Variants in CUX2 observed in about 807,000 individuals in gnomAD.
The protein encoded by CUX2 is homeobox protein cut-like 2.
Under a neutral mutation model 144.8 loss-of-function variants are expected in CUX2, and 40 were observed. The observed-to-expected ratio is 0.28, with a 90% CI of 0.21 to 0.36. CUX2 has a LOEUF of 0.36. Ranked by LOEUF, CUX2 falls within the 10% of genes least tolerant of loss-of-function variation. The pLI, the probability that CUX2 is intolerant of heterozygous loss-of-function variation, is 1.00. For synonymous variants in CUX2, 827 were observed against 875.6 expected (o/e 0.94, Z 0.98); for missense variants, 1,615 against 1,994.0 (o/e 0.81, Z 3.62).
chr12:111,255,056 C>T lies in CUX2; in HGVS notation c.223-8705C>T, dbSNP rs1042133542. On this transcript the variant is annotated intron_variant, in intron 3 of 21. Coordinates refer to ENST00000261726, the MANE Select transcript of CUX2 (RefSeq NM_015267.4). The surrounding 1 kb of genome is among the most constrained non-coding windows in gnomAD (Gnocchi z 4.1). ...TTTCACATGTTGGCCAGGCTGGTCT[C>T]GAACTCCTGACCACAGATGATCCCT... 1.3e-5 allele frequency among the ~76,000 whole-genome samples: 2 copies of T among 152,148 alleles called. No individual in the cohort carries two copies. The highest frequency in any genetic ancestry group is 2.4e-5 in the African/African-American group (1 of 41,434).
intron 4 of CUX2, among the ~76,000 whole-genome samples, chr12:111,272,458 T>TTTATTA (rs555086552): frequency 8.6e-5 from 13 of 151,922 alleles, no homozygotes; most frequent in Admixed American, 2.6e-4. Context: ...GACAGTTAAC[T>TTTATTA]TTATTATTAT....
At position 111,322,499 on chromosome 12, in the gene CUX2, C is replaced by T; in HGVS notation, c.2845C>T (p.Arg949Trp). 6.2e-7 allele frequency: 1 copy of T among 1,603,336 alleles called. No individual in the cohort carries two copies. Among genetic ancestry groups the T allele is most frequent in the Non-Finnish European group, 8.5e-7 (1 of 1,176,522 alleles). ...KPWSKLTQKG[R>W]EPFIRMQLWL... ...ATGGAGCAAGCTGACGCAGAAGGGG[C>T]GGGAGCCCTTCATCCGCATGCAGCT... The change falls in exon 18 of 22, where the codon CGG (arginine) becomes TGG (tryptophan). Residue 949 changes from arginine (R) to tryptophan (W), a missense_variant. Around this residue, in one of 12 missense-constraint regions of CUX2, gnomAD observed 17 missense variants for 68.7 expected, o/e 0.25. Transcript: ENST00000261726. This position sits in a 1 kb window ranked among gnomAD's most constrained non-coding sequence, Gnocchi z 4.2.
intron 1 of CUX2, among the ~76,000 whole-genome samples, chr12:111,189,907 G>A (rs768608577): frequency 5.9e-5 from 9 of 152,120 alleles, no homozygotes; most frequent in Non-Finnish European, 1.2e-4. Context: ...TTTAGTAGAC[G>A]CTGCAAGTAG....
chr12:111,185,256 A>G (rs1879457337), intron 1 of CUX2, among the ~76,000 whole-genome samples: 1 of 152,234 alleles, frequency 6.6e-6, no homozygotes, highest in South Asian at 2.1e-4. Context: ...TTTTTATCCT[A>G]TGCATATCAT....
At chr12:111,048,067 G>A (rs1870083354) in intron 1 of CUX2, among the ~76,000 whole-genome samples, 1 of 152,074 alleles carries the variant, frequency 6.6e-6, no homozygotes, top group Non-Finnish European at 1.5e-5. Flanking sequence ...AAGAGGGGAG[G>A]GAGAGAAGTC....
chr12:111,108,449 A>G (rs897379842), intron 1 of CUX2, among the ~76,000 whole-genome samples: 1 of 152,148 alleles, frequency 6.6e-6, no homozygotes, highest in African/African-American at 2.4e-5. Flanking sequence ...AATTATTGCT[A>G]TGGTGTTTGC....
chr12:111,119,147 A>G (rs917416266), intron 1 of CUX2, among the ~76,000 whole-genome samples: 1 of 152,178 alleles, frequency 6.6e-6, no homozygotes, highest in African/African-American at 2.4e-5. Context: ...TATTTTTTAC[A>G]TTGTGGGCCA....
Position 111,314,656 on chromosome 12 carries a change from AAAAAAAAAAAAAC to A in CUX2, c.2002+2456_2002+2468del, listed in dbSNP as rs1389921904. On this transcript the variant is annotated intron_variant, in intron 16 of 21. Transcript: ENST00000261726. ...ACTCAGTCTAAAAAAAAAAAAAAAAAAAAAAAAAAAAACCCCATCTCCTCTAAAAATACAAAAA... is the reference window on the plus strand; with the variant it reads ...ACTCAGTCTAAAAAAAAAAAAAAAAACCCATCTCCTCTAAAAATACAAAAA... Among the ~76,000 whole-genome samples the A allele has an allele frequency of 2.2e-3, 305 of 137,902 alleles. 3 individuals carry two copies. Among genetic ancestry groups the A allele is most frequent in the African/African-American group, 5.7e-3 (191 of 33,292 alleles). 90.5% of individuals were successfully genotyped at this position (137,902 alleles called of 152,430 possible).
rs1052747698 is a variant in CUX2, at chr12:111,034,466, G to A, written c.63+226G>A. 5.3e-5 allele frequency among the ~76,000 whole-genome samples: 8 copies of A among 151,750 alleles called. No homozygotes were observed. Among genetic ancestry groups the A allele is most frequent in the Admixed American group, 5.2e-4 (8 of 15,252 alleles). On this transcript the variant is annotated intron_variant, in intron 1 of 21. Transcript: ENST00000261726. The surrounding 1 kb of genome is among the most constrained non-coding windows in gnomAD (Gnocchi z 4.2). ...TCATCGATTAGCTGCCGCGACCATG[G>A]AGAAGCGCTAGTGAGCCCTCGGTCG...
intron 1 of CUX2, among the ~76,000 whole-genome samples, chr12:111,091,398 A>G (rs1872542569): frequency 6.6e-6 from 1 of 152,142 alleles, no homozygotes; most frequent in South Asian, 2.1e-4. Flanking sequence ...GGCGGAGGTC[A>G]AGTGCAACCG....
chr12:111,098,215 C>T (rs1304902777), intron 1 of CUX2, among the ~76,000 whole-genome samples: 5 of 152,098 alleles, frequency 3.3e-5, no homozygotes, highest in African/African-American at 1.2e-4. Context: ...GGCTGGACAA[C>T]ATGGCAAAAC....
At chr12:111,157,233 G>C (rs576647844) in intron 1 of CUX2, among the ~76,000 whole-genome samples, 70 of 147,962 alleles carry the variant, frequency 4.7e-4, no homozygotes, top group African/African-American at 1.6e-3. Flanking sequence ...GCGTTGACAA[G>C]GATTCTTAGA....
chr12:111,319,071 TGGGAGGC>T (rs1335750064), intron 16 of CUX2, among the ~76,000 whole-genome samples: 6 of 151,588 alleles, frequency 4.0e-5, no homozygotes, highest in Non-Finnish European at 8.8e-5. Flanking sequence ...CTCTACACTT[TGGGAGGC>T]TGAGGAGGGC....
At chr12:111,298,975 C>G (rs1458816072) in intron 9 of CUX2, among the ~76,000 whole-genome samples, 1 of 152,228 alleles carries the variant, frequency 6.6e-6, no homozygotes, top group Non-Finnish European at 1.5e-5. Context: ...CTAAGTGGGG[C>G]TCCCGCCTCC....
chr12:111,318,745 GT>G (rs1010050251), intron 16 of CUX2, among the ~76,000 whole-genome samples: 2 of 151,820 alleles, frequency 1.3e-5, no homozygotes, highest in Non-Finnish European at 2.9e-5. Flanking sequence ...TGCAATCTTG[GT>G]TCACTGCAGC....
At chr12:111,125,967 A>G (rs1456443748) in intron 1 of CUX2, among the ~76,000 whole-genome samples, 1 of 151,992 alleles carries the variant, frequency 6.6e-6, no homozygotes, top group Non-Finnish European at 1.5e-5. Context: ...CCACCGGGTT[A>G]TGAACTATAT....
chr12:111,137,000 C>T (rs1366815825), intron 1 of CUX2, among the ~76,000 whole-genome samples: 7 of 151,310 alleles, frequency 4.6e-5, no homozygotes, highest in African/African-American at 1.2e-4. Flanking sequence ...TGCAGTGGCA[C>T]GATCTTGGTT....
chr12:111,151,707 G>A (rs945968998), intron 1 of CUX2, among the ~76,000 whole-genome samples: 4 of 152,134 alleles, frequency 2.6e-5, no homozygotes, highest in African/African-American at 9.7e-5. Context: ...GAGGGATCTG[G>A]TGTTAATTGG....
intron 2 of CUX2, among the ~76,000 whole-genome samples, chr12:111,214,925 C>T (rs1400295493): frequency 6.6e-6 from 1 of 152,138 alleles, no homozygotes; most frequent in African/African-American, 2.4e-5. Context: ...TTTACCGGCC[C>T]GGATGTGTGA....
Sources: allele counts gnomAD v4.1 joint callset (sites outside exome capture counted in the v4.1 genomes callset), GRCh38; gene constraint gnomAD v4.1.1; regional missense constraint gnomAD v4.1.1; non-coding constraint Gnocchi (gnomAD v3.1); transcripts MANE v1.5; gene names NCBI Gene and HGNC (gene_info 2026-07-23, HGNC 2026-07-21).